CANX: variants seen among roughly 807,000 people sequenced by gnomAD.
CANX encodes calnexin.
CANX carries 14 observed loss-of-function variants against 75.7 expected under a neutral mutation model. The observed-to-expected ratio is 0.19, with a 90% CI of 0.12 to 0.29. The LOEUF is 0.29. CANX is among the 10% of genes least tolerant of loss of function. The pLI, the probability that CANX is intolerant of heterozygous loss-of-function variation, is 1.00. For synonymous variants in CANX, 227 were observed against 236.9 expected (o/e 0.96, Z 0.38); for missense variants, 567 against 713.2 (o/e 0.79, Z 2.34).
rs1369377635 is a variant in CANX, at chr5:179,730,764, A to G, written c.*2120A>G. 2 of 152,216 alleles carry G rather than the reference A, an allele frequency of 1.3e-5. No individual in the cohort carries two copies. Among genetic ancestry groups the G allele is most frequent in the Admixed American group, 1.3e-4 (2 of 15,284 alleles). 9.4% of individuals were successfully genotyped at this position (152,216 alleles called of 1,614,324 possible). On this transcript the variant is annotated 3_prime_UTR_variant, in exon 15 of 15. Transcript: ENST00000247461. ...AGCAGCTTTCAGCTCTTAAAAAGAC[A>G]CTTATATTTTGATTTTACATGCTGG... is the stretch of plus-strand genomic sequence containing the variant.
At chr5:179,691,674 C>T (rs1776301047) in intron 1 of CANX, among the ~76,000 whole-genome samples, 2 of 152,192 alleles carry the variant, frequency 1.3e-5, no homozygotes, top group South Asian at 4.1e-4. Context: ...TAGCATGAGG[C>T]GAGGCAGTAC....
Position 179,708,330 on chromosome 5 carries a change from T to G in CANX, c.396T>G (p.Ser132=), listed in dbSNP as rs757216070. 3.1e-6 allele frequency: 5 copies of G among 1,614,000 alleles called. No individual in the cohort carries two copies. The Admixed American group carries it at 8.3e-5, about 27-fold the overall frequency. Residue 132 remains serine, a synonymous_variant, in exon 5 of 15, where the codon TCT becomes TCG. Transcript: ENST00000247461. The part of the protein sequence containing the change: ...LMSRAKHHAI[S]AKLNKPFLFD... ...CTCGGGCCAAGCATCATGCCATCTCTGCTAAACTGAACAAGCCCTTCCTGT... is the reference window on the plus strand; with the variant it reads ...CTCGGGCCAAGCATCATGCCATCTCGGCTAAACTGAACAAGCCCTTCCTGT...
intron 1 of CANX, among the ~76,000 whole-genome samples, chr5:179,685,194 G>A (rs1392589450): frequency 6.6e-6 from 1 of 152,032 alleles, no homozygotes; most frequent in African/African-American, 2.4e-5. Flanking sequence ...CGCCTCCTGG[G>A]TTCAAGCGAT....
chr5:179,716,948 A>T (rs771050324), intron 8 of CANX, among the ~76,000 whole-genome samples: 1 of 152,214 alleles, frequency 6.6e-6, no homozygotes, highest in African/African-American at 2.4e-5. Context: ...AGAATGTCGT[A>T]TGCAGAAGTA....
upstream of CANX, chr5:179,698,670 T>A: frequency 1.8e-6 from 2 of 1,119,742 alleles, no homozygotes; most frequent in Non-Finnish European, 2.4e-6. Context: ...CGGGAACGCC[T>A]GTTAAACCAG....
chr5:179,726,813 T>A, intron 14 of CANX, 54 bp downstream of exon 14: 1 of 1,306,058 alleles, frequency 7.7e-7, no homozygotes, highest in Non-Finnish European at 1.1e-6. Flanking sequence ...TACATTTATG[T>A]AAAGGGAATA....
At chr5:179,694,498 A>T (rs1776355659), upstream of CANX, 2 of 752,860 alleles carry the variant, frequency 2.7e-6, no homozygotes, top group South Asian at 2.8e-5. Context: ...TTCTCTTCGG[A>T]AATCCGCCCC....
intron 1 of CANX, among the ~76,000 whole-genome samples, chr5:179,680,056 G>T (rs1776022295): frequency 7.1e-6 from 1 of 140,000 alleles, no homozygotes; most frequent in Admixed American, 8.2e-5. Flanking sequence ...CAGGTGATCT[G>T]CCCGCCTCAG....
intron 3 of CANX, 76 bp from the exon 4 acceptor site, chr5:179,707,056 T>C (rs1777183435): frequency 1.2e-6 from 1 of 856,980 alleles, no homozygotes; most frequent in South Asian, 1.3e-5. Context: ...GGTCCTACTT[T>C]AATGAGTATT....
chr5:179,684,390 CTTT>C (rs559968980), intron 1 of CANX, among the ~76,000 whole-genome samples: 1 of 134,894 alleles, frequency 7.4e-6, no homozygotes, highest in Non-Finnish European at 1.6e-5. Context: ...GCTAGTAAGC[CTTT>C]TTTTTTTTTT....
chr5:179,709,816 T>C, intron 6 of CANX, 57 bp from the exon 7 acceptor site: 2 of 1,133,116 alleles, frequency 1.8e-6, no homozygotes, highest in South Asian at 1.7e-5. Context: ...TTTTGAAACG[T>C]TGCTTTTGAA....
intron 7 of CANX, among the ~76,000 whole-genome samples, chr5:179,713,788 C>T (rs1218151722): frequency 3.3e-5 from 5 of 152,000 alleles, no homozygotes; most frequent in Non-Finnish European, 5.9e-5. Flanking sequence ...GTAGCATGTA[C>T]CTCTAGTCCC....
chr5:179,696,987 C>T (rs1776420385), upstream of CANX, among the ~76,000 whole-genome samples: 1 of 152,196 alleles, frequency 6.6e-6, no homozygotes, highest in South Asian at 2.1e-4. Context: ...TCATGGTGAT[C>T]CAGGTTGATG....
chr5:179,686,481 G>C (rs1224990579), intron 1 of CANX, among the ~76,000 whole-genome samples: 2 of 150,912 alleles, frequency 1.3e-5, no homozygotes, highest in African/African-American at 4.9e-5. Context: ...AGTTTTTCTT[G>C]TTGTTATTTT....
At position 179,719,687 on chromosome 5, in the gene CANX, A is replaced by G. The variant is rs778453311; in HGVS notation, c.931A>G (p.Lys311Glu). 7 of 1,610,326 alleles carry G rather than the reference A, an allele frequency of 4.3e-6. No homozygotes were observed. The highest frequency in any genetic ancestry group is 8.5e-7 in the Non-Finnish European group (1 of 1,177,306). ...TTTAAGGGATGAAGATGCCCCTGCT[A>G]AGATTCCAGATGAAGAGGCCACAAA... ...PDDWDEDAPA[K>E]IPDEEATKPE... Residue 311 changes from lysine to glutamate, a missense_variant, in exon 9 of 15, where the codon AAG becomes GAG. This residue lies in a region of CANX where 351 missense variants were observed against 433.8 expected (regional missense o/e 0.81). Coordinates refer to ENST00000247461, the MANE Select transcript of CANX (RefSeq NM_001746.4).
intron 6 of CANX, 73 bp from the exon 7 acceptor site, chr5:179,709,800 A>G: frequency 1.1e-6 from 1 of 932,404 alleles, no homozygotes; most frequent in Non-Finnish European, 1.6e-6. Flanking sequence ...AGGAATTATC[A>G]TACACTTTTG....
At chr5:179,704,971 A>C (rs1362385034) in intron 1 of CANX, among the ~76,000 whole-genome samples, 1 of 152,122 alleles carries the variant, frequency 6.6e-6, no homozygotes, top group African/African-American at 2.4e-5. Flanking sequence ...ATTAAGCCTT[A>C]ATATGAGAGG....
chr5:179,696,303 T>G (rs111712746), upstream of CANX, among the ~76,000 whole-genome samples: 465 of 122,696 alleles, frequency 3.8e-3, 5 homozygotes, highest in African/African-American at 0.014. Context: ...GGAGACAGAG[T>G]CTGGCTCTGT....
At chr5:179,700,250 A>G (rs377668251) in intron 1 of CANX, 2 of 152,190 alleles carry the variant, frequency 1.3e-5, no homozygotes, top group East Asian at 3.8e-4. Context: ...AAAGATTGAG[A>G]GGACAAGATT....
Sources: allele counts gnomAD v4.1 joint callset (sites outside exome capture counted in the v4.1 genomes callset), GRCh38; gene constraint gnomAD v4.1.1; regional missense constraint gnomAD v4.1.1; transcripts MANE v1.5; gene names NCBI Gene and HGNC (gene_info 2026-07-23, HGNC 2026-07-21).